ZFHX3: variants seen among roughly 807,000 people sequenced by gnomAD.
ZFHX3 encodes zinc finger homeobox 3, also known as zinc finger homeobox protein 3.
A neutral mutation model predicts 279.1 loss-of-function variants in ZFHX3; 42 were observed. That is an observed-to-expected ratio of 0.15 (90% CI 0.12 to 0.19). The LOEUF (loss-of-function observed/expected upper bound fraction) is 0.19, where lower values mean the gene tolerates loss of function less well. Among genes scored for constraint, ZFHX3 ranks in the 10% least tolerant of loss-of-function variants. The pLI is 1.00. For missense variants in ZFHX3, 4,981 were observed against 4,754.0 expected (o/e 1.05, Z -1.40); for synonymous variants, 2,293 against 1,957.8 (o/e 1.17, Z -4.52).
intron 1 of ZFHX3, among the ~76,000 whole-genome samples, chr16:73,786,483 C>T (rs1465070630): frequency 6.6e-6 from 1 of 152,146 alleles, no homozygotes; most frequent in Non-Finnish European, 1.5e-5. Flanking sequence ...TTCGGGATCT[C>T]AGCTGACAGT....
intron 1 of ZFHX3, among the ~76,000 whole-genome samples, chr16:73,703,160 GC>G (rs2053267653): frequency 6.6e-6 from 1 of 152,118 alleles, no homozygotes; most frequent in Non-Finnish European, 1.5e-5. Flanking sequence ...CTGCTTTCCT[GC>G]CTCTTTTGTT....
At chr16:73,300,187 C>T (rs1217013660) in intron 4 of ZFHX3, among the ~76,000 whole-genome samples, 2 of 150,648 alleles carry the variant, frequency 1.3e-5, no homozygotes, top group Non-Finnish European at 2.9e-5. Flanking sequence ...TGGCTTGAGC[C>T]CAGGAGTTTA....
intron 5 of ZFHX3, among the ~76,000 whole-genome samples, chr16:73,249,918 G>A (rs868122302): frequency 1.1e-4 from 17 of 151,776 alleles, no homozygotes; most frequent in Non-Finnish European, 1.6e-4. Flanking sequence ...GACCATTCCC[G>A]CAACTACCAC....
intron 4 of ZFHX3, among the ~76,000 whole-genome samples, chr16:72,844,725 G>A (rs1409457452): frequency 2.0e-5 from 3 of 152,024 alleles, no homozygotes; most frequent in Non-Finnish European, 2.9e-5. Flanking sequence ...CTGGTTGTGC[G>A]GTTTTTGGTT....
At chr16:73,186,438 A>C (rs971177594) in intron 5 of ZFHX3, among the ~76,000 whole-genome samples, 11 of 152,050 alleles carry the variant, frequency 7.2e-5, no homozygotes, top group South Asian at 2.1e-4. Context: ...TGCCTCGTAG[A>C]GTTATTAGAG....
At chr16:73,541,693 C>G (rs548772426) in intron 2 of ZFHX3, among the ~76,000 whole-genome samples, 17 of 150,066 alleles carry the variant, frequency 1.1e-4, no homozygotes, top group African/African-American at 3.4e-4. Flanking sequence ...GAGAGAGAGG[C>G]GGCTCGCGAG....
intron 4 of ZFHX3, among the ~76,000 whole-genome samples, chr16:72,884,562 TA>T (rs1303355480): frequency 6.6e-6 from 1 of 152,046 alleles, no homozygotes; most frequent in Non-Finnish European, 1.5e-5. Context: ...TACATGCATG[TA>T]AAATTTGGAG....
chr16:72,883,136 CAAATGT>C (rs1170587930), intron 4 of ZFHX3, among the ~76,000 whole-genome samples: 5 of 151,388 alleles, frequency 3.3e-5, no homozygotes, highest in Non-Finnish European at 5.9e-5. Flanking sequence ...ATCACAATTA[CAAATGT>C]AAATGAACAG....
At chr16:73,498,977 T>A (rs1381511523) in intron 2 of ZFHX3, among the ~76,000 whole-genome samples, 1 of 152,186 alleles carries the variant, frequency 6.6e-6, no homozygotes, top group Non-Finnish European at 1.5e-5. Context: ...CTCTCACCCA[T>A]AACCCATTCC....
chr16:72,935,304 C>A (rs749492009), intron 3 of ZFHX3, among the ~76,000 whole-genome samples: 7 of 151,828 alleles, frequency 4.6e-5, no homozygotes, highest in African/African-American at 7.3e-5. Flanking sequence ...GGGGGACAAT[C>A]AGATATGGGA....
chr16:73,056,682 C>T (rs1055206956), intron 1 of ZFHX3, among the ~76,000 whole-genome samples: 1 of 152,184 alleles, frequency 6.6e-6, no homozygotes, highest in Non-Finnish European at 1.5e-5. Flanking sequence ...CTCTAAGAAG[C>T]CAAGCAAGGC....
intron 3 of ZFHX3, chr16:73,387,360 T>A (rs995603459): frequency 2.0e-5 from 3 of 151,194 alleles, no homozygotes; most frequent in Middle Eastern, 3.2e-3. Context: ...GCAAAAAAAA[T>A]AACAAATAAT....
At position 73,008,911 on chromosome 16, in the gene ZFHX3, C is replaced by CGTGTGTGTGT. The variant is rs5817822; in HGVS notation, c.-50+38831_-50+38840dup. On this transcript the variant is annotated intron_variant, in intron 1 of 9. Coordinates refer to ENST00000268489, the MANE Select transcript of ZFHX3 (RefSeq NM_006885.4). Reference sequence around the variant, plus strand: ...AGCTACAAGAAAAATAAAGTATATACGTGTGTGTGTGTGTGTGTGTGTGTG... The same window carrying CGTGTGTGTGT: ...AGCTACAAGAAAAATAAAGTATATACGTGTGTGTGTGTGTGTGTGTGTGTGTGTGTGTGTG... Among the ~76,000 whole-genome samples, 893 of 149,708 alleles carry CGTGTGTGTGT rather than the reference C, an allele frequency of 6.0e-3. 7 individuals carry two copies. Among genetic ancestry groups the CGTGTGTGTGT allele is most frequent in the African/African-American group, 0.021 (860 of 40,708 alleles).
intron 1 of ZFHX3, among the ~76,000 whole-genome samples, chr16:73,001,818 CA>C (rs796274085): frequency 1.9e-4 from 26 of 139,910 alleles, no homozygotes; most frequent in Admixed American, 3.6e-4. Context: ...TGAGACCCTT[CA>C]AAAAAAAAAG....
At chr16:73,583,297 A>G (rs1425510652) in intron 2 of ZFHX3, among the ~76,000 whole-genome samples, 1 of 152,226 alleles carries the variant, frequency 6.6e-6, no homozygotes, top group Non-Finnish European at 1.5e-5. Flanking sequence ...AAAAGTTTTT[A>G]AAATCCACAA....
At chr16:73,135,319 C>A (rs765448390) in intron 6 of ZFHX3, among the ~76,000 whole-genome samples, 2 of 152,078 alleles carry the variant, frequency 1.3e-5, no homozygotes, top group Non-Finnish European at 2.9e-5. Context: ...TCAATATGTA[C>A]AAAGAGAATC....
At chr16:73,110,514 A>G (rs984322496) in intron 7 of ZFHX3, among the ~76,000 whole-genome samples, 51 of 152,186 alleles carry the variant, frequency 3.4e-4, no homozygotes, top group Admixed American at 3.3e-3. Flanking sequence ...AATTACAAAA[A>G]ACACTCCTAA....
At chr16:73,719,452 C>G (rs1308921936) in intron 1 of ZFHX3, among the ~76,000 whole-genome samples, 2 of 152,036 alleles carry the variant, frequency 1.3e-5, no homozygotes, top group African/African-American at 4.8e-5. Context: ...CTTAGGAACA[C>G]CTGGGTCATT....
At chr16:73,691,016 C>T (rs181560650) in intron 1 of ZFHX3, among the ~76,000 whole-genome samples, 125 of 152,320 alleles carry the variant, frequency 8.2e-4, no homozygotes, top group African/African-American at 2.8e-3. Flanking sequence ...AGACTGGACA[C>T]TGTAAAAGTA....
Sources: allele counts gnomAD v4.1 joint callset (sites outside exome capture counted in the v4.1 genomes callset), GRCh38; gene constraint gnomAD v4.1.1; transcripts MANE v1.5; gene names NCBI Gene and HGNC (gene_info 2026-07-23, HGNC 2026-07-21).